Variants in MTUS1 observed in about 807,000 individuals in gnomAD.
MTUS1 encodes microtubule-associated tumor suppressor 1.
In MTUS1, 109 loss-of-function variants were observed where a neutral mutation model predicts 120.8. That is an observed-to-expected ratio of 0.90 (90% CI 0.77 to 1.06). The LOEUF is 1.06. Ranked by LOEUF, MTUS1 falls within the 50% of genes least tolerant of loss-of-function variation. MTUS1 has a pLI of 0.00. For missense variants in MTUS1, 2,210 were observed against 1,486.3 expected (o/e 1.49, Z -8.01); for synonymous variants, 737 against 550.5 (o/e 1.34, Z -4.74).
At chr8:17,736,511 C>T (rs2046940014) in intron 3 of MTUS1, among the ~76,000 whole-genome samples, 1 of 152,318 alleles carries the variant, frequency 6.6e-6, no homozygotes, top group South Asian at 2.1e-4. Flanking sequence ...ATGTCGCCCT[C>T]TCAGTGAGGC....
intron 1 of MTUS1, among the ~76,000 whole-genome samples, chr8:17,793,748 T>C (rs960165063): frequency 1.3e-5 from 2 of 152,172 alleles, no homozygotes; most frequent in African/African-American, 2.4e-5. Context: ...AGGGTAAGCA[T>C]GATTAATGAC....
At position 17,724,391 on chromosome 8, in the gene MTUS1, A is replaced by C. The variant is rs1416552021; in HGVS notation, c.2288-558T>G. 5.3e-5 allele frequency among the ~76,000 whole-genome samples: 8 copies of C among 152,230 alleles called. 1 individual carries two copies. Among genetic ancestry groups the C allele is most frequent in the Non-Finnish European group, 1.2e-4 (8 of 68,044 alleles). On this transcript the variant is annotated intron_variant, in intron 3 of 14. Transcript: ENST00000693296. ...AATTCTCCTGAGTGGAAAATTTTAA[A>C]ATCACCCAAACAGGAAGAAAAATGC...
intron 1 of MTUS1, among the ~76,000 whole-genome samples, chr8:17,792,999 C>G (rs1235638115): frequency 2.0e-5 from 3 of 152,144 alleles, no homozygotes; most frequent in Non-Finnish European, 4.4e-5. Flanking sequence ...TACTCTGAAA[C>G]ACAAATCTTA....
chr8:17,657,862 T>C (rs1315655285), intron 8 of MTUS1, among the ~76,000 whole-genome samples: 3 of 147,448 alleles, frequency 2.0e-5, no homozygotes, highest in Non-Finnish European at 4.5e-5. Context: ...TATGTATACA[T>C]AGGTACATAT....
chr8:17,784,449 C>T (rs1304073601), intron 1 of MTUS1, among the ~76,000 whole-genome samples: 1 of 152,258 alleles, frequency 6.6e-6, no homozygotes, highest in African/African-American at 2.4e-5. Flanking sequence ...GTGCGCACCA[C>T]CATGCCCGGC....
chr8:17,669,126 G>A (rs1320314780), intron 8 of MTUS1, among the ~76,000 whole-genome samples: 1 of 152,114 alleles, frequency 6.6e-6, no homozygotes, highest in Non-Finnish European at 1.5e-5. Context: ...GGCAAGAAGA[G>A]GTCTATAAAC....
intron 3 of MTUS1, among the ~76,000 whole-genome samples, chr8:17,724,420 T>C (rs533241623): frequency 2.6e-4 from 40 of 152,194 alleles, no homozygotes; most frequent in Admixed American, 2.6e-3. Context: ...AAAATGCAAT[T>C]TGATAAGCAA....
At chr8:17,713,085 G>C (rs1430582207) in intron 6 of MTUS1, 129 bp downstream of exon 6, 1 of 760,820 alleles carries the variant, frequency 1.3e-6, no homozygotes, top group Non-Finnish European at 2.3e-6. Context: ...GTCATAAAAA[G>C]TTAGGTTTAC....
intron 1 of MTUS1, among the ~76,000 whole-genome samples, chr8:17,777,517 C>A (rs1276503894): frequency 1.3e-5 from 2 of 151,872 alleles, no homozygotes; most frequent in African/African-American, 4.8e-5. Context: ...AATCCAGGCG[C>A]TGTGCATCAG....
intron 3 of MTUS1, among the ~76,000 whole-genome samples, chr8:17,741,995 A>C (rs1319184111): frequency 6.6e-6 from 1 of 152,196 alleles, no homozygotes; most frequent in African/African-American, 2.4e-5. Context: ...CTCCAGTGCC[A>C]CCAAGCTACA....
chr8:17,791,791 C>T (rs1041398071), intron 1 of MTUS1, among the ~76,000 whole-genome samples: 11 of 152,194 alleles, frequency 7.2e-5, no homozygotes, highest in African/African-American at 2.7e-4. Flanking sequence ...CAAGCAACAC[C>T]TCCAAGGCTA....
At chr8:17,722,451 C>T (rs2045915694) in intron 4 of MTUS1, 1 of 985,284 alleles carries the variant, frequency 1.0e-6, no homozygotes, top group African/African-American at 1.7e-5. Context: ...CTCTTACATG[C>T]AAGCCTGATT....
intron 8 of MTUS1, among the ~76,000 whole-genome samples, chr8:17,657,455 C>G (rs1180838720): frequency 6.7e-6 from 1 of 149,764 alleles, no homozygotes; most frequent in Non-Finnish European, 1.5e-5. Flanking sequence ...GTAGTCCCAG[C>G]TACTTGGGAG....
intron 8 of MTUS1, among the ~76,000 whole-genome samples, chr8:17,670,537 C>T (rs569486542): frequency 1.8e-4 from 28 of 152,196 alleles, no homozygotes; most frequent in African/African-American, 6.7e-4. Context: ...TCACAGCAGA[C>T]ATCTGACCAG....
intron 3 of MTUS1, among the ~76,000 whole-genome samples, chr8:17,743,285 T>C (rs1321086669): frequency 6.6e-6 from 1 of 152,196 alleles, no homozygotes; most frequent in Admixed American, 6.5e-5. Context: ...TTCAGCATTG[T>C]TAAGCACTTA....
chr8:17,658,018 T>TAGACACACACAC (rs1329886904), intron 8 of MTUS1, among the ~76,000 whole-genome samples: 2 of 63,644 alleles, frequency 3.1e-5, no homozygotes, highest in Non-Finnish European at 3.5e-5. Flanking sequence ...ATACACTATA[T>TAGACACACACAC]ATATAGACAC....
intron 1 of MTUS1, among the ~76,000 whole-genome samples, chr8:17,791,539 T>A (rs983985126): frequency 2.6e-5 from 4 of 152,206 alleles, no homozygotes; most frequent in African/African-American, 9.6e-5. Flanking sequence ...AGAGGCAACA[T>A]AATTTACAGA....
intron 1 of MTUS1, among the ~76,000 whole-genome samples, chr8:17,790,912 G>C (rs995413147): frequency 6.6e-6 from 1 of 152,146 alleles, no homozygotes; most frequent in African/African-American, 2.4e-5. Context: ...GCTTGAATCC[G>C]GGAGGTGGAG....
At chr8:17,767,419 G>A (rs116540542) in intron 1 of MTUS1, among the ~76,000 whole-genome samples, 3,188 of 151,804 alleles carry the variant, frequency 0.021, 107 homozygotes, top group African/African-American at 0.073. Flanking sequence ...AAAAGGGGCT[G>A]GGTACAGTGG....
Sources: allele counts gnomAD v4.1 joint callset (sites outside exome capture counted in the v4.1 genomes callset), GRCh38; gene constraint gnomAD v4.1.1; transcripts MANE v1.5; gene names NCBI Gene and HGNC (gene_info 2026-07-23, HGNC 2026-07-21).